Variants in EVI5 observed in about 807,000 individuals in gnomAD.
The protein encoded by EVI5 is ecotropic viral integration site 5 protein homolog.
EVI5 carries 73 observed loss-of-function variants against 112.0 expected under a neutral mutation model. The observed-to-expected ratio is 0.65, with a 90% CI of 0.54 to 0.79. The LOEUF is 0.79. Among genes scored for constraint, EVI5 ranks in the 30% least tolerant of loss-of-function variants. The pLI is 0.00. For missense variants in EVI5, 900 were observed against 968.8 expected (o/e 0.93, Z 0.94); for synonymous variants, 305 against 319.9 (o/e 0.95, Z 0.50).
At chr1:92,744,283 C>T (rs10782941) in intron 1 of EVI5, among the ~76,000 whole-genome samples, 106,109 of 151,960 alleles carry the variant, frequency 0.7, 37,544 homozygotes, top group East Asian at 0.94. Flanking sequence ...GTGTTTTTTG[C>T]TGTTGTTGGA....
At chr1:92,523,887 A>C (rs1571304485) in intron 19 of EVI5, among the ~76,000 whole-genome samples, 1 of 152,100 alleles carries the variant, frequency 6.6e-6, no homozygotes, top group Non-Finnish European at 1.5e-5. Flanking sequence ...GAAGTTCGAG[A>C]CCAGCCTGGC....
At chr1:92,627,586 T>G (rs909479671) in intron 14 of EVI5, among the ~76,000 whole-genome samples, 1 of 152,336 alleles carries the variant, frequency 6.6e-6, no homozygotes, top group South Asian at 2.1e-4. Context: ...CTTTTAGTTC[T>G]TTAAGGAATC....
chr1:92,622,132 T>TAA (rs11398075), intron 16 of EVI5, among the ~76,000 whole-genome samples: 118 of 148,456 alleles, frequency 7.9e-4, no homozygotes, highest in South Asian at 1.1e-3. Context: ...AAATAAAAAT[T>TAA]AAAAAAAAAA....
chr1:92,695,557 G>T, intron 6 of EVI5, 104 bp from the exon 7 acceptor site: 2 of 632,620 alleles, frequency 3.2e-6, no homozygotes, highest in Non-Finnish European at 5.0e-6. Flanking sequence ...ATTAGATCAA[G>T]CATCATATGG....
intron 18 of EVI5, among the ~76,000 whole-genome samples, chr1:92,578,287 T>C (rs1671385340): frequency 6.6e-6 from 1 of 152,218 alleles, no homozygotes; most frequent in Admixed American, 6.5e-5. Flanking sequence ...TTTCTTTCTT[T>C]TAGCAAAACT....
At chr1:92,629,506 A>G (rs1656418574) in intron 14 of EVI5, among the ~76,000 whole-genome samples, 1 of 152,218 alleles carries the variant, frequency 6.6e-6, no homozygotes, top group Non-Finnish European at 1.5e-5. Flanking sequence ...TTCTACTCCC[A>G]TTACTTATCT....
upstream of EVI5, among the ~76,000 whole-genome samples, chr1:92,785,938 T>C (rs1284761695): frequency 1.4e-5 from 2 of 147,086 alleles, no homozygotes; most frequent in Non-Finnish European, 3.0e-5. Flanking sequence ...AAAAAAAAAA[T>C]AGCCCGGCGT....
chr1:92,724,367 C>T (rs1018987121), intron 2 of EVI5, among the ~76,000 whole-genome samples: 5 of 152,164 alleles, frequency 3.3e-5, no homozygotes, highest in African/African-American at 1.2e-4. Context: ...CTGGTTCCTC[C>T]GATACCATGC....
chr1:92,722,313 T>C (rs556611569), intron 2 of EVI5, among the ~76,000 whole-genome samples: 1 of 152,186 alleles, frequency 6.6e-6, no homozygotes. Context: ...ATCTTTTTTT[T>C]AAATTTTATT....
chr1:92,717,290 G>GCC (rs1490892853), intron 2 of EVI5, among the ~76,000 whole-genome samples: 1 of 152,190 alleles, frequency 6.6e-6, no homozygotes, highest in Non-Finnish European at 1.5e-5. Flanking sequence ...GTTAAGGGCA[G>GCC]ACAGAAAGGT....
At chr1:92,708,251 G>T (rs1672307010) in intron 2 of EVI5, among the ~76,000 whole-genome samples, 1 of 151,554 alleles carries the variant, frequency 6.6e-6, no homozygotes, top group Non-Finnish European at 1.5e-5. Flanking sequence ...AATCATAAGG[G>T]ACTTGTATCT....
chr1:92,710,135 G>A (rs1235367051), intron 2 of EVI5, among the ~76,000 whole-genome samples: 1 of 145,178 alleles, frequency 6.9e-6, no homozygotes, highest in Non-Finnish European at 1.5e-5. Flanking sequence ...TTGAGCCCAG[G>A]AATTTGAGAC....
At chr1:92,543,145 C>T (rs190324856) in intron 19 of EVI5, among the ~76,000 whole-genome samples, 41 of 152,290 alleles carry the variant, frequency 2.7e-4, no homozygotes, top group African/African-American at 9.4e-4. Context: ...GGGCATCTTC[C>T]TCCGGTATAA....
intron 18 of EVI5, among the ~76,000 whole-genome samples, chr1:92,598,863 G>A (rs1016668539): frequency 7.2e-5 from 11 of 152,174 alleles, no homozygotes; most frequent in African/African-American, 2.2e-4. Flanking sequence ...ACTGTAAGAC[G>A]CGAATACAAA....
chr1:92,601,700 T>C (rs1489623714), intron 18 of EVI5, among the ~76,000 whole-genome samples: 1 of 152,052 alleles, frequency 6.6e-6, no homozygotes, highest in African/African-American at 2.4e-5. Flanking sequence ...AGGGGCTAGA[T>C]GCGGGGTTAG....
At chr1:92,554,546 G>T (rs533426221) in intron 19 of EVI5, among the ~76,000 whole-genome samples, 2 of 152,104 alleles carry the variant, frequency 1.3e-5, no homozygotes, top group Non-Finnish European at 2.9e-5. Flanking sequence ...TAGCGCTATT[G>T]TTCCAAATAT....
intron 13 of EVI5, among the ~76,000 whole-genome samples, chr1:92,648,190 C>CAAAAAAAAAA (rs961901260): frequency 4.6e-4 from 11 of 24,086 alleles, no homozygotes; most frequent in Non-Finnish European, 7.5e-4. Context: ...ACTAAAAATA[C>CAAAAAAAAAA]AAAAAAAAAA....
At chr1:92,630,852 G>A (rs926379419) in intron 14 of EVI5, among the ~76,000 whole-genome samples, 6 of 152,126 alleles carry the variant, frequency 3.9e-5, no homozygotes, top group Admixed American at 6.6e-5. Context: ...TGTATAAGGT[G>A]TAAGGAAGGG....
At chr1:92,573,954 T>C (rs2391164) in intron 18 of EVI5, among the ~76,000 whole-genome samples, 140,134 of 152,122 alleles carry the variant, frequency 0.92, 64,638 homozygotes, top group East Asian at 0.97. Flanking sequence ...CACTCAAAAG[T>C]GTTGTATCTG....
Sources: allele counts gnomAD v4.1 joint callset (sites outside exome capture counted in the v4.1 genomes callset), GRCh38; gene constraint gnomAD v4.1.1; transcripts MANE v1.5; gene names NCBI Gene and HGNC (gene_info 2026-07-23, HGNC 2026-07-21).